TUSC3: variants seen among roughly 807,000 people sequenced by gnomAD.
The protein encoded by TUSC3 is dolichyl-diphosphooligosaccharide--protein glycosyltransferase subunit TUSC3.
A neutral mutation model predicts 44.8 loss-of-function variants in TUSC3; 45 were observed. The observed-to-expected ratio is 1.00, with a 90% CI of 0.79 to 1.29. TUSC3 has a LOEUF of 1.29. TUSC3 is among the 50% of genes most tolerant of loss of function. TUSC3 has a pLI of 0.00. For missense variants in TUSC3, 519 were observed against 437.9 expected, an observed-to-expected ratio of 1.19 and a Z score of -1.65; for synonymous variants, 212 against 152.9, an observed-to-expected ratio of 1.39 and a Z score of -2.85.
At chr8:15,521,159 A>C (rs949970438) in intron 2 of TUSC3, among the ~76,000 whole-genome samples, 1 of 151,988 alleles carries the variant, frequency 6.6e-6, no homozygotes, top group African/African-American at 2.4e-5. Context: ...CTTTAAGCTA[A>C]TTTTCTGGCT....
chr8:15,561,307 C>T (rs1276283905), intron 1 of TUSC3, among the ~76,000 whole-genome samples: 7 of 147,968 alleles, frequency 4.7e-5, no homozygotes, highest in Admixed American at 1.4e-4. Context: ...CCTCCCAGTT[C>T]GGCTGCTAGG....
intron 6 of TUSC3, among the ~76,000 whole-genome samples, chr8:15,710,031 C>T (rs965686304): frequency 2.0e-5 from 3 of 151,756 alleles, no homozygotes; most frequent in Non-Finnish European, 4.4e-5. Context: ...TAGTGACAGC[C>T]TCTTCCCTCC....
chr8:15,743,156 A>C (rs1811265334), intron 7 of TUSC3, among the ~76,000 whole-genome samples: 1 of 152,228 alleles, frequency 6.6e-6, no homozygotes, highest in Non-Finnish European at 1.5e-5. Flanking sequence ...AGCTGTGTAC[A>C]CACACGTTAT....
At chr8:15,501,429 C>T (rs769331409) in intron 2 of TUSC3, among the ~76,000 whole-genome samples, 1 of 152,136 alleles carries the variant, frequency 6.6e-6, no homozygotes, top group Non-Finnish European at 1.5e-5. Context: ...TTGATTACAA[C>T]AGGAGGTCTT....
intron 6 of TUSC3, among the ~76,000 whole-genome samples, chr8:15,718,874 T>G (rs1382479065): frequency 6.6e-6 from 1 of 152,110 alleles, no homozygotes; most frequent in Admixed American, 6.6e-5. Flanking sequence ...GTTGTTGCCT[T>G]TTGTATAAAA....
intron 2 of TUSC3, among the ~76,000 whole-genome samples, chr8:15,636,308 G>C (rs1193187961): frequency 6.6e-6 from 1 of 152,164 alleles, no homozygotes; most frequent in Admixed American, 6.5e-5. Flanking sequence ...GGGTGGCAGA[G>C]TTAGGGATAA....
At chr8:15,624,003 T>A (rs958011827) in intron 2 of TUSC3, among the ~76,000 whole-genome samples, 3 of 152,140 alleles carry the variant, frequency 2.0e-5, no homozygotes, top group African/African-American at 7.2e-5. Context: ...CCTCTGGCAA[T>A]CACTAGTCTG....
chr8:15,431,344 T>G (rs1343991691), intron 1 of TUSC3, among the ~76,000 whole-genome samples: 2 of 151,846 alleles, frequency 1.3e-5, no homozygotes, highest in Non-Finnish European at 2.9e-5. Flanking sequence ...TCTATTTGTG[T>G]CTTCAATTTA....
chr8:15,760,330 T>C (rs1812119062), intron 10 of TUSC3, among the ~76,000 whole-genome samples: 1 of 152,214 alleles, frequency 6.6e-6, no homozygotes. Flanking sequence ...GTAAGCTGCT[T>C]ATTTTTCTTT....
chr8:15,477,117 A>C (rs1800586338), intron 1 of TUSC3, among the ~76,000 whole-genome samples: 1 of 152,152 alleles, frequency 6.6e-6, no homozygotes, highest in Admixed American at 6.5e-5. Flanking sequence ...TTTGTTACTT[A>C]GGTGTGGAAA....
At chr8:15,425,523 C>A (rs894027078) in intron 1 of TUSC3, among the ~76,000 whole-genome samples, 3 of 152,082 alleles carry the variant, frequency 2.0e-5, no homozygotes, top group African/African-American at 7.2e-5. Flanking sequence ...TTTTCAAGTA[C>A]AATATGTATG....
rs548039740 is a variant in TUSC3, at chr8:15,463,767, C to T, written n.92-19619C>T. ...GGCTTACCTTCTGTCATCAGTTCGT[C>T]GCTTCTCTACAACCAGGATGATTAC... On this transcript the variant is annotated intron_variant and non_coding_transcript_variant, in intron 1 of 5. Transcript: ENST00000503191. Among the ~76,000 whole-genome samples, 28 of 152,262 alleles carry T rather than the reference C, an allele frequency of 1.8e-4. 2 individuals carry two copies. The highest frequency in any genetic ancestry group is 5.1e-4 in the African/African-American group (21 of 41,564).
chr8:15,548,812 C>G (rs1801959380), intron 1 of TUSC3, among the ~76,000 whole-genome samples: 2 of 151,814 alleles, frequency 1.3e-5, no homozygotes, highest in Non-Finnish European at 2.9e-5. Context: ...GTTTTAATAA[C>G]TAGCTATACA....
At chr8:15,836,739 G>A in the TUSC3 span, among the ~76,000 whole-genome samples, 7 of 152,076 alleles carry the variant, frequency 4.6e-5, no homozygotes, top group Admixed American at 4.6e-4. Flanking sequence ...TTAAATACAT[G>A]TTTATTGTCA....
At chr8:15,561,001 G>C (rs908686135) in intron 1 of TUSC3, among the ~76,000 whole-genome samples, 45 of 130,810 alleles carry the variant, frequency 3.4e-4, no homozygotes, top group African/African-American at 1.3e-3. Flanking sequence ...TCTTCTCTCA[G>C]CTCGTCAAAG....
In TUSC3 at chr8:15,650,790, T is replaced by A; in HGVS notation, c.402T>A (p.Asp134Glu). 1 of 1,614,152 alleles carries A rather than the reference T, an allele frequency of 6.2e-7. No individual in the cohort carries two copies. Residue 134 changes from aspartate (D) to glutamate (E), a missense_variant, in exon 3 of 11, where the codon GAT becomes GAA. By Grantham distance (45) the Asp-to-Glu change is conservative. Coordinates refer to ENST00000503731, the MANE Select transcript of TUSC3 (RefSeq NM_006765.4). Reference protein sequence around the residue: ...NKLFFSMVDYDEGTDVFQQLN... With the variant: ...NKLFFSMVDYEEGTDVFQQLN... ...TCTTCTTCAGTATGGTGGACTATGA[T>A]GAGGGGACAGACGTTTTTCAGCAGG...
intron 1 of TUSC3, among the ~76,000 whole-genome samples, chr8:15,422,700 G>A (rs868747375): frequency 1.2e-4 from 18 of 152,178 alleles, no homozygotes; most frequent in Middle Eastern, 3.4e-3. Context: ...CACCCAGGCT[G>A]GGGTACAGTG....
At chr8:15,707,408 A>C (rs560640477) in intron 6 of TUSC3, among the ~76,000 whole-genome samples, 1 of 151,898 alleles carries the variant, frequency 6.6e-6, no homozygotes, top group Non-Finnish European at 1.5e-5. Flanking sequence ...TTTGTGCCCT[A>C]TGTTTTTTAA....
intron 1 of TUSC3, among the ~76,000 whole-genome samples, chr8:15,420,094 C>G (rs1442044932): frequency 6.6e-6 from 1 of 152,046 alleles, no homozygotes; most frequent in Non-Finnish European, 1.5e-5. Flanking sequence ...TATAACAAAG[C>G]TTATGCATAC....
Sources: gnomAD v4.1 joint callset for allele counts (sites outside exome capture counted in the v4.1 genomes callset) on GRCh38, gnomAD v4.1.1 for gene constraint, MANE v1.5 for transcripts, NCBI Gene and HGNC (gene_info 2026-07-23, HGNC 2026-07-21) for gene names.